The following LRRFIP2 variants were observed in gnomAD, a reference collection of about 807,000 sequenced individuals.
The protein encoded by LRRFIP2 is leucine-rich repeat flightless-interacting protein 2.
In LRRFIP2, 109 loss-of-function variants were observed where a neutral mutation model predicts 125.9. The observed-to-expected ratio is 0.87, with a 90% CI of 0.74 to 1.01. LRRFIP2 has a LOEUF of 1.01. Among genes scored for constraint, LRRFIP2 ranks in the 50% least tolerant of loss-of-function variants. The pLI is 0.00. For missense variants in LRRFIP2, 850 were observed against 862.3 expected (o/e 0.99, Z 0.18); for synonymous variants, 291 against 293.1 (o/e 0.99, Z 0.07).
At chr3:37,063,532 A>G (rs374891523) in intron 24 of LRRFIP2, among the ~76,000 whole-genome samples, 4 of 152,264 alleles carry the variant, frequency 2.6e-5, no homozygotes, top group East Asian at 1.9e-4. Context: ...GTAAAAAACT[A>G]TATGACTCCT....
At chr3:37,109,293 A>T (rs761412508) in intron 11 of LRRFIP2, among the ~76,000 whole-genome samples, 45 of 151,672 alleles carry the variant, frequency 3.0e-4, no homozygotes, top group Middle Eastern at 3.2e-3. Flanking sequence ...TTCTCTAGAT[A>T]AAAAAAAACT....
chr3:37,135,820 A>G (rs1444998018), intron 2 of LRRFIP2, among the ~76,000 whole-genome samples: 1 of 152,238 alleles, frequency 6.6e-6, no homozygotes, highest in East Asian at 1.9e-4. Context: ...GGATGTGGAG[A>G]AATTAGAACC....
intron 7 of LRRFIP2, among the ~76,000 whole-genome samples, chr3:37,113,634 T>C (rs900071870): frequency 6.6e-6 from 1 of 152,168 alleles, no homozygotes; most frequent in Non-Finnish European, 1.5e-5. Flanking sequence ...TTCATTTCCT[T>C]CTATAGTCTT....
intron 17 of LRRFIP2, among the ~76,000 whole-genome samples, chr3:37,092,265 TG>T (rs1362659332): frequency 1.3e-5 from 2 of 152,248 alleles, no homozygotes; most frequent in East Asian, 3.8e-4. Flanking sequence ...CTATTCTGAA[TG>T]CTCGATTTAT....
rs181097640 is a variant in LRRFIP2 at position 37,058,734 on chromosome 3, A to C, written c.1870+56T>G. The C allele has an allele frequency of 7.3e-5, 115 of 1,572,374 alleles. 1 individual carries two copies. The highest frequency in any genetic ancestry group is 4.8e-5 in the Non-Finnish European group (56 of 1,158,896). On this transcript the variant is annotated intron_variant, in intron 25 of 27. Transcript: ENST00000336686. ...ATACCAGCAACCTGCTGACAAACCC[A>C]CCCCTGGGACACAGTCTATATACAG... is the stretch of plus-strand genomic sequence containing the variant.
Position 37,072,868 on chromosome 3 carries a change from C to T in LRRFIP2, c.1386G>A (p.Met462Ile). 6.2e-7 allele frequency: 1 copy of T among 1,611,222 alleles called. No individual in the cohort carries two copies. Among genetic ancestry groups the T allele is most frequent in the Non-Finnish European group, 8.5e-7 (1 of 1,178,148 alleles). ...RDELIEEKQR[M>I]QQKIDTMTKE... ...TTGTCATGGTGTCTATTTTCTGCTGCATGCGCTGCTTCTCCTGCAGAGGAA... is the reference window on the plus strand; with the variant it reads ...TTGTCATGGTGTCTATTTTCTGCTGTATGCGCTGCTTCTCCTGCAGAGGAA... Residue 462 changes from methionine to isoleucine, a missense_variant, in exon 21 of 28, where the codon ATG becomes ATA. Coordinates refer to ENST00000336686, the MANE Select transcript of LRRFIP2 (RefSeq NM_006309.4).
intron 21 of LRRFIP2, among the ~76,000 whole-genome samples, chr3:37,069,643 C>T (rs564993528): frequency 6.6e-6 from 1 of 152,146 alleles, no homozygotes; most frequent in East Asian, 1.9e-4. Flanking sequence ...GTGACAGTAG[C>T]ACAACAACAT....
At chr3:37,063,397 A>G (rs568326295) in intron 24 of LRRFIP2, among the ~76,000 whole-genome samples, 3 of 152,382 alleles carry the variant, frequency 2.0e-5, no homozygotes, top group South Asian at 2.1e-4. Context: ...AAGATGCAAC[A>G]TAAGTATGTT....
At chr3:37,160,542 G>A (rs192715277) in intron 1 of LRRFIP2, among the ~76,000 whole-genome samples, 1 of 152,246 alleles carries the variant, frequency 6.6e-6, no homozygotes, top group East Asian at 1.9e-4. Context: ...CACTTTGGGA[G>A]GCTGACGCAG....
At chr3:37,094,486 C>G (rs573983059) in intron 17 of LRRFIP2, among the ~76,000 whole-genome samples, 2 of 152,150 alleles carry the variant, frequency 1.3e-5, no homozygotes, top group Non-Finnish European at 2.9e-5. Context: ...CCATTTAAAA[C>G]ATGGCCAGTT....
intron 6 of LRRFIP2, among the ~76,000 whole-genome samples, chr3:37,116,141 T>C (rs1012487136): frequency 1.3e-5 from 2 of 152,156 alleles, no homozygotes; most frequent in Non-Finnish European, 2.9e-5. Flanking sequence ...CCAGCTTTTT[T>C]TGAGACAGGG....
chr3:37,145,082 A>T (rs555267039), intron 2 of LRRFIP2, among the ~76,000 whole-genome samples: 1 of 152,208 alleles, frequency 6.6e-6, no homozygotes, highest in Non-Finnish European at 1.5e-5. Context: ...TCTATTTCCT[A>T]GCAACTTCCC....
At chr3:37,167,770 G>T (rs956729027) in intron 1 of LRRFIP2, among the ~76,000 whole-genome samples, 1 of 151,944 alleles carries the variant, frequency 6.6e-6, no homozygotes, top group African/African-American at 2.4e-5. Context: ...GAGCTCAGGA[G>T]TTTGAGACCC....
intron 19 of LRRFIP2, among the ~76,000 whole-genome samples, chr3:37,081,574 C>A (rs1466652709): frequency 6.8e-6 from 1 of 147,834 alleles, no homozygotes; most frequent in African/African-American, 2.5e-5. Flanking sequence ...TTAAAAAAAA[C>A]AATACATTTT....
In LRRFIP2 at chr3:37,108,787, T is replaced by C. The variant is rs1051956547; in HGVS notation, c.610-103A>G. ...TCAGTACCAAAAAAGTTTTGGAGAA[T>C]GATATAAGTGTATAGCCTCCCAGAA... On this transcript the variant is annotated intron_variant, in intron 11 of 27. Transcript: ENST00000336686. 6 of 886,054 alleles carry C rather than the reference T, an allele frequency of 6.8e-6. No individual in the cohort carries two copies. In the Admixed American group the frequency reaches 1.2e-4, roughly 18 times the overall value. 54.9% of individuals were successfully genotyped at this position (886,054 alleles called of 1,614,324 possible).
chr3:37,103,205 A>G (rs539305738), intron 14 of LRRFIP2, among the ~76,000 whole-genome samples, 192 bp from the exon 15 acceptor site: 36 of 152,160 alleles, frequency 2.4e-4, no homozygotes, highest in Non-Finnish European at 3.7e-4. Context: ...CCTAAATGAA[A>G]TCACAGCTCT....
chr3:37,085,255 ATC>A (rs2092957859), intron 18 of LRRFIP2, among the ~76,000 whole-genome samples: 1 of 152,186 alleles, frequency 6.6e-6, no homozygotes, highest in Non-Finnish European at 1.5e-5. Context: ...CATGCCTGTA[ATC>A]CTGGTACTTT....
chr3:37,165,964 T>C (rs1253722662), intron 1 of LRRFIP2, among the ~76,000 whole-genome samples: 4 of 152,168 alleles, frequency 2.6e-5, no homozygotes, highest in Admixed American at 6.5e-5. Flanking sequence ...CTTCATGATA[T>C]TGAATTTGGC....
At chr3:37,079,356 G>A (rs951261460) in intron 19 of LRRFIP2, among the ~76,000 whole-genome samples, 7 of 152,150 alleles carry the variant, frequency 4.6e-5, no homozygotes, top group South Asian at 2.1e-4. Flanking sequence ...CAGCCACTTC[G>A]GAAAACAGTC....
Sources: allele counts gnomAD v4.1 joint callset (sites outside exome capture counted in the v4.1 genomes callset), GRCh38; gene constraint gnomAD v4.1.1; transcripts MANE v1.5; gene names NCBI Gene and HGNC (gene_info 2026-07-23, HGNC 2026-07-21).